LINC00305: variants seen among roughly 807,000 people sequenced by gnomAD.
The protein encoded by LINC00305 is long intergenic non-protein coding RNA 305.
chr18:64,117,869 A>G (rs2051344606), intron 1 of LINC00305, among the ~76,000 whole-genome samples: 1 of 152,160 alleles, frequency 6.6e-6, no homozygotes, highest in Non-Finnish European at 1.5e-5. Flanking sequence ...TGGCAAAGGA[A>G]ACGATCCACG....
intron 3 of LINC00305, among the ~76,000 whole-genome samples, chr18:64,083,705 T>C (rs758570513): frequency 1.3e-5 from 2 of 152,172 alleles, no homozygotes; most frequent in Non-Finnish European, 2.9e-5. Flanking sequence ...TAGTAGAGCA[T>C]GAGTGGATCC....
At chr18:64,133,560 G>A (rs1038096768) in intron 1 of LINC00305, among the ~76,000 whole-genome samples, 2 of 152,122 alleles carry the variant, frequency 1.3e-5, no homozygotes, top group African/African-American at 2.4e-5. Flanking sequence ...TCCCAGAAAC[G>A]AATTCCTTTC....
intron 3 of LINC00305, among the ~76,000 whole-genome samples, chr18:64,095,286 A>G (rs1158949995): frequency 6.6e-6 from 1 of 152,232 alleles, no homozygotes; most frequent in Admixed American, 6.5e-5. Flanking sequence ...GTGTAAATAG[A>G]AAACAGCCAA....
At chr18:64,093,502 T>C (rs1437640407) in intron 3 of LINC00305, among the ~76,000 whole-genome samples, 2 of 152,100 alleles carry the variant, frequency 1.3e-5, no homozygotes, top group Non-Finnish European at 2.9e-5. Context: ...GCCCGGCTAA[T>C]TTTTGTGTTT....
At chr18:64,133,507 C>T (rs2144270425) in intron 1 of LINC00305, among the ~76,000 whole-genome samples, 1 of 152,262 alleles carries the variant, frequency 6.6e-6, no homozygotes, top group Admixed American at 6.5e-5. Flanking sequence ...ATTAAAGTCA[C>T]CTACAGAATA....
exon 4 of LINC00305, chr18:64,080,283 AC>A (rs1568101502): frequency 6.6e-6 from 3 of 456,606 alleles, no homozygotes; most frequent in Non-Finnish European, 1.3e-5. Flanking sequence ...TTTCAAAGAA[AC>A]AGAAAACGTC....
At chr18:64,122,380 G>C (rs1287026950) in intron 1 of LINC00305, among the ~76,000 whole-genome samples, 1 of 151,942 alleles carries the variant, frequency 6.6e-6, no homozygotes, top group East Asian at 1.9e-4. Flanking sequence ...AAAGATAGGG[G>C]TTCAGTTTCA....
intron 1 of LINC00305, among the ~76,000 whole-genome samples, chr18:64,144,550 C>G (rs559274812): frequency 1.1e-4 from 16 of 151,948 alleles, no homozygotes; most frequent in African/African-American, 3.6e-4. Flanking sequence ...CTTTTGTTGC[C>G]CAGGCTGGAG....
At chr18:64,095,445 A>C (rs2051241535) in intron 3 of LINC00305, among the ~76,000 whole-genome samples, 1 of 139,080 alleles carries the variant, frequency 7.2e-6, no homozygotes, top group Non-Finnish European at 1.5e-5. Flanking sequence ...ACTAAAATAT[A>C]AGACAAGAGG....
At chr18:64,093,425 C>T (rs1180835795) in intron 3 of LINC00305, among the ~76,000 whole-genome samples, 2 of 152,300 alleles carry the variant, frequency 1.3e-5, no homozygotes, top group Admixed American at 1.3e-4. Context: ...AGCTCTACCT[C>T]CTGGGTTCAA....
chr18:64,094,625 G>A (rs137960861), intron 3 of LINC00305, among the ~76,000 whole-genome samples: 1,578 of 152,242 alleles, frequency 0.01, 14 homozygotes, highest in South Asian at 0.024. Context: ...CACTTTGGGA[G>A]GCTGAGGGGG....
intron 1 of LINC00305, among the ~76,000 whole-genome samples, chr18:64,100,377 C>T (rs924888066): frequency 6.6e-6 from 1 of 152,146 alleles, no homozygotes. Flanking sequence ...GAAAGAACGT[C>T]ACAGGAGGGC....
chr18:64,147,979 C>A (rs1302384052), intron 1 of LINC00305, among the ~76,000 whole-genome samples: 1 of 151,988 alleles, frequency 6.6e-6, no homozygotes, highest in Non-Finnish European at 1.5e-5. Context: ...TCTGGGACAT[C>A]TGGTAACATC....
At chr18:64,114,478 C>T (rs933209311) in intron 1 of LINC00305, among the ~76,000 whole-genome samples, 1 of 152,118 alleles carries the variant, frequency 6.6e-6, no homozygotes, top group Non-Finnish European at 1.5e-5. Context: ...TTACACTCTA[C>T]GTCTATACTG....
chr18:64,080,578 T>C (rs1378714572), intron 3 of LINC00305, among the ~76,000 whole-genome samples: 1 of 152,210 alleles, frequency 6.6e-6, no homozygotes, highest in Admixed American at 6.5e-5. Flanking sequence ...TTCATTTATC[T>C]ATACCAGGAT....
intron 1 of LINC00305, among the ~76,000 whole-genome samples, chr18:64,145,579 TA>T (rs1327223523): frequency 6.6e-6 from 1 of 152,052 alleles, no homozygotes; most frequent in Non-Finnish European, 1.5e-5. Context: ...ACCCAGATAA[TA>T]TTTTTTTGTA....
intron 1 of LINC00305, among the ~76,000 whole-genome samples, chr18:64,122,848 T>C (rs1316007537): frequency 6.6e-6 from 1 of 151,058 alleles, no homozygotes; most frequent in Non-Finnish European, 1.5e-5. Context: ...CATTTGTTTG[T>C]TTTATCTATG....
chr18:64,143,327 A>G, intron 1 of LINC00305, among the ~76,000 whole-genome samples: 1 of 152,122 alleles, frequency 6.6e-6, no homozygotes. Context: ...ACCTGTTGAT[A>G]TCTAGCTGGC....
intron 3 of LINC00305, chr18:64,080,419 A>G (rs2051180301): frequency 2.3e-6 from 1 of 442,306 alleles, no homozygotes; most frequent in African/African-American, 2.0e-5. Context: ...AAACAAAAGT[A>G]ATCCACATTA....
Sources: allele counts gnomAD v4.1 joint callset (sites outside exome capture counted in the v4.1 genomes callset), GRCh38; gene constraint gnomAD v4.1.1; transcripts MANE v1.5; gene names NCBI Gene and HGNC (gene_info 2026-07-23, HGNC 2026-07-21).